SPATA31G1: variants seen among roughly 807,000 people sequenced by gnomAD.
SPATA31G1 encodes the protein spermatogenesis-associated protein 31G1.
At chr9:35,042,793 T>A in the SPATA31G1 span, 2 of 1,554,068 alleles carry the variant, frequency 1.3e-6, no homozygotes, top group Admixed American at 1.8e-5. Context: ...GCAGACTGAG[T>A]GCCTCATAGC....
At chr9:35,044,694 A>C in the SPATA31G1 span, 1 of 1,614,176 alleles carries the variant, frequency 6.2e-7, no homozygotes, top group Admixed American at 1.7e-5. Flanking sequence ...CCCAGCCCCC[A>C]GCTCACTCTC....
chr9:35,041,566 C>A, the SPATA31G1 span: 11 of 153,768 alleles, frequency 7.2e-5, no homozygotes, highest in Non-Finnish European at 1.4e-4. Context: ...TACAATGAGA[C>A]CTTGCCTCTA....
chr9:35,044,431 A>G, the SPATA31G1 span: 2 of 1,614,130 alleles, frequency 1.2e-6, no homozygotes, highest in Non-Finnish European at 1.7e-6. Context: ...TGGGCCTCTA[A>G]GCACCCAGCT....
the SPATA31G1 span, chr9:35,041,697 T>C: frequency 1.1e-3 from 171 of 153,954 alleles, 3 homozygotes; most frequent in South Asian, 0.012. Context: ...AGAGATCCTG[T>C]CTCTACAAAA....
At chr9:35,041,819 G>A in the SPATA31G1 span, 18 of 162,092 alleles carry the variant, frequency 1.1e-4, no homozygotes, top group Non-Finnish European at 2.2e-4. Flanking sequence ...GCTGCAGTGA[G>A]TCGTGATCAC....
the SPATA31G1 span, chr9:35,044,295 AGGTCTCCATCTCTG>A: frequency 6.2e-7 from 1 of 1,614,196 alleles, no homozygotes; most frequent in Admixed American, 1.7e-5. Flanking sequence ...CTCGGCTTCT[AGGTCTCCATCTCTG>A]GCCCTCAGCC....
the SPATA31G1 span, chr9:35,042,467 G>A: frequency 6.2e-7 from 1 of 1,614,230 alleles, no homozygotes; most frequent in South Asian, 1.1e-5. Context: ...GGTGCTCTGG[G>A]AATATGGTGC....
chr9:35,043,692 A>G, the SPATA31G1 span: 1 of 1,614,178 alleles, frequency 6.2e-7, no homozygotes, highest in Non-Finnish European at 8.5e-7. Context: ...AGAACCCAGA[A>G]AAGTTAGCCC....
the SPATA31G1 span, chr9:35,044,128 C>A: frequency 6.2e-7 from 1 of 1,614,114 alleles, no homozygotes; most frequent in Non-Finnish European, 8.5e-7. Flanking sequence ...TTGTGGGAGA[C>A]CATGGGGCAG....
the SPATA31G1 span, chr9:35,043,753 G>T: frequency 6.2e-7 from 1 of 1,614,212 alleles, no homozygotes; most frequent in African/African-American, 1.3e-5. Context: ...GTGGGATACA[G>T]AGAGAAACCT....
chr9:35,045,506 G>A, the SPATA31G1 span: 1 of 1,614,100 alleles, frequency 6.2e-7, no homozygotes, highest in Non-Finnish European at 8.5e-7. Context: ...ATAGAAGAGG[G>A]ACTGCAAGGT....
At chr9:35,044,685 C>T in the SPATA31G1 span, 2 of 1,614,100 alleles carry the variant, frequency 1.2e-6, no homozygotes, top group Non-Finnish European at 1.7e-6. Context: ...CACTGAGCTC[C>T]CAGCCCCCAG....
the SPATA31G1 span, chr9:35,043,964 C>T: frequency 1.2e-6 from 2 of 1,613,234 alleles, no homozygotes; most frequent in Non-Finnish European, 1.7e-6. Context: ...CTGAATGTGT[C>T]CCACCAGCAT....
the SPATA31G1 span, chr9:35,043,715 T>C: frequency 3.1e-6 from 5 of 1,614,078 alleles, no homozygotes; most frequent in South Asian, 2.2e-5. Context: ...AAGGAGGACT[T>C]GCTATATCTA....
the SPATA31G1 span, chr9:35,044,749 G>C: frequency 6.2e-7 from 1 of 1,614,124 alleles, no homozygotes; most frequent in Admixed American, 1.7e-5. Flanking sequence ...CTTGTGTGGA[G>C]AAATGTGCAA....
the SPATA31G1 span, chr9:35,045,246 C>T: frequency 6.2e-7 from 1 of 1,614,194 alleles, no homozygotes. Context: ...TTCCCAGCTT[C>T]AGCCACAGGA....
the SPATA31G1 span, chr9:35,045,493 A>G: frequency 6.2e-7 from 1 of 1,614,078 alleles, no homozygotes; most frequent in Admixed American, 1.7e-5. Flanking sequence ...AAAGCAGGAG[A>G]CCATAGAAGA....
the SPATA31G1 span, chr9:35,043,565 C>T: frequency 6.2e-7 from 1 of 1,614,058 alleles, no homozygotes; most frequent in African/African-American, 1.3e-5. Context: ...CTGGAACTAG[C>T]CCCCTGGAAG....
At chr9:35,045,382 C>G in the SPATA31G1 span, 1 of 1,614,108 alleles carries the variant, frequency 6.2e-7, no homozygotes, top group East Asian at 2.2e-5. Flanking sequence ...TCTCCAGGCC[C>G]AGGAGAACCC....
Sources: gnomAD v4.1 joint callset for allele counts on GRCh38, gnomAD v4.1.1 for gene constraint, MANE v1.5 for transcripts, NCBI Gene and HGNC (gene_info 2026-07-23, HGNC 2026-07-21) for gene names.